The following AP3B1 variants were observed in gnomAD, a reference collection of about 807,000 sequenced individuals.
AP3B1 encodes the protein adaptor related protein complex 3 subunit beta 1.
In AP3B1, 61 loss-of-function variants were observed where a neutral mutation model predicts 132.5. The ratio of observed to expected loss-of-function variants is 0.46; its 90% CI spans 0.37 to 0.57. AP3B1 has a LOEUF of 0.57. Among genes scored for constraint, AP3B1 ranks in the 20% least tolerant of loss-of-function variants. AP3B1 has a pLI of 0.00. For missense variants in AP3B1, 1,120 were observed against 1,289.4 expected, an observed-to-expected ratio of 0.87 and a Z score of 2.01; for synonymous variants, 388 against 438.3, an observed-to-expected ratio of 0.89 and a Z score of 1.43.
At chr5:78,012,955 A>G (rs1308852853) in intron 26 of AP3B1, among the ~76,000 whole-genome samples, 2 of 152,234 alleles carry the variant, frequency 1.3e-5, no homozygotes, top group Admixed American at 1.3e-4. Context: ...AATAAGAATT[A>G]TACAACTGTG....
intron 7 of AP3B1, among the ~76,000 whole-genome samples, chr5:78,214,530 T>C (rs571058782): frequency 6.6e-6 from 1 of 152,090 alleles, no homozygotes; most frequent in Non-Finnish European, 1.5e-5. Context: ...CTGAAAATGA[T>C]AGGAAAGTAA....
chr5:78,202,552 A>AGTGTGTGTGT (rs36209977), intron 7 of AP3B1, among the ~76,000 whole-genome samples: 13,093 of 145,936 alleles, frequency 0.09, 710 homozygotes, highest in Admixed American at 0.14. Context: ...CCATATATTC[A>AGTGTGTGTGT]GTGTGTGTGT....
intron 2 of AP3B1, among the ~76,000 whole-genome samples, chr5:78,257,867 CACCTACAGAGA>C (rs545787297): frequency 6.6e-6 from 1 of 152,060 alleles, no homozygotes; most frequent in South Asian, 2.1e-4. Flanking sequence ...CAAATCCACA[CACCTACAGAGA>C]ACTGAGAAAG....
At chr5:78,181,982 A>G (rs1341907479) in intron 7 of AP3B1, among the ~76,000 whole-genome samples, 2 of 152,218 alleles carry the variant, frequency 1.3e-5, no homozygotes, top group Non-Finnish European at 1.5e-5. Flanking sequence ...AACAAGGCCT[A>G]TAATACTACC....
chr5:78,071,377 G>A (rs575340421), intron 22 of AP3B1, among the ~76,000 whole-genome samples: 1 of 152,040 alleles, frequency 6.6e-6, no homozygotes, highest in African/African-American at 2.4e-5. Context: ...ATGGACACAG[G>A]GAATGGAACA....
intron 11 of AP3B1, among the ~76,000 whole-genome samples, chr5:78,167,243 C>T (rs191691685): frequency 6.6e-5 from 10 of 152,210 alleles, no homozygotes; most frequent in Non-Finnish European, 4.4e-5. Context: ...GAAAAATGCT[C>T]AACATCACTA....
intron 13 of AP3B1, among the ~76,000 whole-genome samples, chr5:78,158,275 T>C (rs1743238435): frequency 6.6e-6 from 1 of 151,750 alleles, no homozygotes; most frequent in Non-Finnish European, 1.5e-5. Context: ...CTGGGCAACA[T>C]GGAAAACCCC....
chr5:78,208,937 A>AGT (rs10687408), intron 7 of AP3B1, among the ~76,000 whole-genome samples: 1 of 151,838 alleles, frequency 6.6e-6, no homozygotes, highest in Non-Finnish European at 1.5e-5. Flanking sequence ...ATTCTAATAT[A>AGT]TATATTCCAA....
At chr5:78,133,664 T>C (rs1752775728) in intron 15 of AP3B1, among the ~76,000 whole-genome samples, 1 of 148,812 alleles carries the variant, frequency 6.7e-6, no homozygotes, top group Admixed American at 6.6e-5. Context: ...GGGATATTAA[T>C]TAAATAGTAC....
At chr5:78,041,922 G>T in intron 22 of AP3B1, 3 of 202,142 alleles carry the variant, frequency 1.5e-5, no homozygotes, top group South Asian at 2.0e-4. Flanking sequence ...TGGTAACTGA[G>T]ACCAGGCTTT....
Position 78,039,194 on chromosome 5 carries a change from A to G in AP3B1, c.2658T>C (p.Tyr886=). The G allele has an allele frequency of 6.2e-7, 1 of 1,614,218 alleles. No individual in the cohort carries two copies. The highest frequency in any genetic ancestry group is 2.2e-5 in the East Asian group (1 of 44,870). ...AAATGCAAGGCTGTCTTGGAAAGAA[A>G]TAATGGGCAGCTAGTCCTTTTCCAC... ...RMSGKGLAAH[Y]FFPRQPCIFG... The change falls in exon 23 of 27, where the codon TAT becomes TAC. Residue 886 remains tyrosine, a synonymous_variant. Coordinates refer to ENST00000255194, the MANE Select transcript of AP3B1 (RefSeq NM_003664.5).
chr5:78,114,157 A>C (rs536619963), intron 18 of AP3B1, among the ~76,000 whole-genome samples: 40 of 152,330 alleles, frequency 2.6e-4, no homozygotes, highest in African/African-American at 9.6e-4. Context: ...AGGAGAGAAA[A>C]GCTAAGCAAA....
At chr5:78,170,698 AG>A (rs1301433429) in intron 11 of AP3B1, among the ~76,000 whole-genome samples, 1 of 152,108 alleles carries the variant, frequency 6.6e-6, no homozygotes, top group Non-Finnish European at 1.5e-5. Flanking sequence ...TTCACTCTGA[AG>A]GAAGTTTCTT....
At chr5:78,080,229 G>C (rs975436737) in intron 22 of AP3B1, among the ~76,000 whole-genome samples, 1 of 151,970 alleles carries the variant, frequency 6.6e-6, no homozygotes, top group Non-Finnish European at 1.5e-5. Context: ...GGCTGGTCTG[G>C]AACTCCTGGG....
At chr5:78,021,425 T>A (rs940767047) in intron 24 of AP3B1, among the ~76,000 whole-genome samples, 1 of 152,162 alleles carries the variant, frequency 6.6e-6, no homozygotes, top group Non-Finnish European at 1.5e-5. Flanking sequence ...ACCTTGTTTG[T>A]TCTAATATCA....
intron 25 of AP3B1, among the ~76,000 whole-genome samples, chr5:78,018,671 A>AACACACACACAC (rs3050070): frequency 7.5e-5 from 11 of 146,576 alleles, no homozygotes; most frequent in African/African-American, 2.8e-4. Flanking sequence ...AAGCTGGTGT[A>AACACACACACAC]ACACACACAC....
chr5:78,048,066 C>T (rs989229741), intron 22 of AP3B1, among the ~76,000 whole-genome samples: 5 of 152,186 alleles, frequency 3.3e-5, no homozygotes, highest in Non-Finnish European at 5.9e-5. Context: ...TTGGAATCTG[C>T]GCAATGGTGC....
chr5:78,203,908 G>A (rs1293928782), intron 7 of AP3B1, among the ~76,000 whole-genome samples: 6 of 152,026 alleles, frequency 3.9e-5, no homozygotes, highest in Admixed American at 2.0e-4. Context: ...GTTATTATAC[G>A]TTTTCCCTCT....
At chr5:78,137,866 A>T (rs1752982630) in intron 15 of AP3B1, among the ~76,000 whole-genome samples, 1 of 152,228 alleles carries the variant, frequency 6.6e-6, no homozygotes, top group Admixed American at 6.5e-5. Context: ...TCTTATAAAA[A>T]TCAATTTAGA....
Sources: allele counts gnomAD v4.1 joint callset (sites outside exome capture counted in the v4.1 genomes callset), GRCh38; gene constraint gnomAD v4.1.1; transcripts MANE v1.5; gene names NCBI Gene and HGNC (gene_info 2026-07-23, HGNC 2026-07-21).